ELAPOR2: variants seen among roughly 807,000 people sequenced by gnomAD.
ELAPOR2 encodes the protein endosome/lysosome-associated apoptosis and autophagy regulator family member 2.
Under a neutral mutation model 120.7 loss-of-function variants are expected in ELAPOR2, and 89 were observed. The ratio of observed to expected loss-of-function variants is 0.74; its 90% CI spans 0.62 to 0.88. The LOEUF (loss-of-function observed/expected upper bound fraction) is 0.88. Ranked by LOEUF, ELAPOR2 falls within the 40% of genes least tolerant of loss-of-function variation. ELAPOR2 has a pLI of 0.00. For missense variants in ELAPOR2, 1,134 were observed against 1,251.6 expected (o/e 0.91, Z 1.42); for synonymous variants, 444 against 444.9 (o/e 1.00, Z 0.03).
chr7:86,967,860 A>G (rs1008161990), intron 1 of ELAPOR2, among the ~76,000 whole-genome samples: 3 of 152,230 alleles, frequency 2.0e-5, no homozygotes, highest in African/African-American at 7.2e-5. Flanking sequence ...GTTCAGCAGG[A>G]AGCTTTAATT....
intron 1 of ELAPOR2, among the ~76,000 whole-genome samples, chr7:87,012,115 A>C (rs2116669127): frequency 6.6e-6 from 1 of 152,276 alleles, no homozygotes; most frequent in East Asian, 1.9e-4. Flanking sequence ...GCCACATTTA[A>C]AGTGGTCAAT....
chr7:87,041,341 A>T (rs1794778972), intron 1 of ELAPOR2, among the ~76,000 whole-genome samples: 1 of 152,126 alleles, frequency 6.6e-6, no homozygotes, highest in African/African-American at 2.4e-5. Context: ...ATGAAGGAAA[A>T]AATGTTAAGG....
At chr7:86,938,982 A>T in intron 6 of ELAPOR2, 22 bp from the exon 7 acceptor site, 1 of 1,612,208 alleles carries the variant, frequency 6.2e-7, no homozygotes, top group Non-Finnish European at 8.5e-7. Context: ...TGAAAAACAG[A>T]GCATGGGAGG....
Position 87,059,357 on chromosome 7 carries a change from A to G in ELAPOR2, c.157T>C (p.Ser53Pro), listed in dbSNP as rs1371613532. 36 of 1,247,448 alleles carry G rather than the reference A, an allele frequency of 2.9e-5. No individual in the cohort carries two copies. In the East Asian group the frequency reaches 1.1e-3, roughly 39 times the overall value. The allele number at this position is 1,247,448 out of a possible 1,614,324, so 77.3% of individuals were successfully genotyped here. ...CAAGGAGGAAGCGGGCGGCTGGAGG[A>G]GGAGGGCAGGTCCCCAGCCCAGGCC... ...QAAWAGDLPS[S>P]SSRPLPPCQE... The change falls in exon 1 of 22, where the codon TCC (serine) becomes CCC (proline). Residue 53 changes from serine to proline, a missense_variant. Ser to Pro is a moderately conservative substitution (Grantham distance 74, BLOSUM62 -1). This residue lies in a region of ELAPOR2 where 280 missense variants were observed against 331.5 expected (regional missense o/e 0.84). Transcript: ENST00000450689.
intron 1 of ELAPOR2, among the ~76,000 whole-genome samples, chr7:87,029,848 C>A (rs908682503): frequency 6.6e-6 from 1 of 151,916 alleles, no homozygotes; most frequent in Non-Finnish European, 1.5e-5. Flanking sequence ...AGAAGAGTAG[C>A]TAAAGAAATA....
At chr7:87,014,714 C>T (rs11981886) in intron 1 of ELAPOR2, among the ~76,000 whole-genome samples, 2,619 of 152,026 alleles carry the variant, frequency 0.017, 78 homozygotes, top group African/African-American at 0.059. Context: ...AAGAAATTTG[C>T]AAAATTTTTC....
intron 1 of ELAPOR2, among the ~76,000 whole-genome samples, chr7:87,013,478 G>A (rs1157886166): frequency 6.6e-6 from 1 of 152,126 alleles, no homozygotes; most frequent in Non-Finnish European, 1.5e-5. Flanking sequence ...GGTAACATGA[G>A]ACAGCAGATT....
chr7:86,980,083 T>C (rs896268888), intron 1 of ELAPOR2, among the ~76,000 whole-genome samples: 3 of 152,200 alleles, frequency 2.0e-5, no homozygotes, highest in Admixed American at 6.5e-5. Flanking sequence ...GAAGAAATTA[T>C]ACAAAATTAA....
At position 86,919,404 on chromosome 7, in the gene ELAPOR2, G is replaced by T. The variant is rs1043485581; in HGVS notation, c.1400-94C>A. ...AAGGTAAAAATAAAAAGAAGCATTA[G>T]TGTTTCTGTTCAAAGTTAGAAATGC... On this transcript the variant is annotated intron_variant, in intron 10 of 21. Transcript: ENST00000450689. The T allele has an allele frequency of 7.1e-6, 5 of 708,482 alleles. No homozygotes were observed. The East Asian group carries it at 1.5e-4, about 21-fold the overall frequency. 43.9% of individuals were successfully genotyped at this position (708,482 alleles called of 1,614,324 possible).
Position 86,880,335 on chromosome 7 carries a change from T to A in ELAPOR2, c.*136A>T. On this transcript the variant is annotated 3_prime_UTR_variant, in exon 22 of 22. Coordinates refer to ENST00000450689, the MANE Select transcript of ELAPOR2 (RefSeq NM_001142749.3). ...AAGGCAATCAAATGTTTCAATCTCC[T>A]TCCCTTTTCAGCGGCATGGCCCTCC... The A allele has an allele frequency of 1.4e-6, 1 of 707,130 alleles. No individual in the cohort carries two copies. The highest frequency in any genetic ancestry group is 1.6e-5 in the South Asian group (1 of 61,226). The allele number at this position is 707,130 out of a possible 1,614,324, so 43.8% of individuals were successfully genotyped here.
intron 18 of ELAPOR2, among the ~76,000 whole-genome samples, chr7:86,904,650 G>C (rs1422073672): frequency 6.6e-6 from 1 of 152,190 alleles, no homozygotes; most frequent in Non-Finnish European, 1.5e-5. Context: ...CAGATGAGAA[G>C]GCAGCCCAGA....
At chr7:86,950,206 T>C (rs1006033186) in intron 2 of ELAPOR2, among the ~76,000 whole-genome samples, 1 of 152,244 alleles carries the variant, frequency 6.6e-6, no homozygotes, top group Non-Finnish European at 1.5e-5. Context: ...TAAGCTATTC[T>C]GTAGCTCAAT....
rs762596202 is a variant in ELAPOR2 at position 86,901,550 on chromosome 7, C to T, written c.2559-3918G>A. ...CACAGTTTATAATTCAGTATAAATACGTTTTGCCAAAATAGAAAATACAAA... is the reference window on the plus strand; with the variant it reads ...CACAGTTTATAATTCAGTATAAATATGTTTTGCCAAAATAGAAAATACAAA... On this transcript the variant is annotated intron_variant, in intron 18 of 21. Coordinates refer to ENST00000450689, the MANE Select transcript of ELAPOR2 (RefSeq NM_001142749.3). 8.5e-5 allele frequency among the ~76,000 whole-genome samples: 13 copies of T among 152,210 alleles called. No individual in the cohort carries two copies. In the East Asian group the frequency reaches 1.2e-3, roughly 14 times the overall value.
chr7:86,981,111 T>G (rs1792461384), intron 1 of ELAPOR2, among the ~76,000 whole-genome samples: 1 of 152,080 alleles, frequency 6.6e-6, no homozygotes. Context: ...TTTCCTCCAC[T>G]TGCAGAAGAG....
chr7:86,892,870 A>C, intron 20 of ELAPOR2, 52 bp downstream of exon 20: 1 of 1,389,736 alleles, frequency 7.2e-7, no homozygotes, highest in Non-Finnish European at 9.4e-7. Context: ...TAGAATTTTC[A>C]CAACAAAATA....
rs1799292332 is a variant in ELAPOR2 at position 86,879,358 on chromosome 7, C to T, written c.*1113G>A. ...AAGAACAATAATTCTTTCATAACTG[C>T]TTATGAAATAACCACATTCTTATTA... On this transcript the variant is annotated 3_prime_UTR_variant, in exon 22 of 22. Coordinates refer to ENST00000450689, the MANE Select transcript of ELAPOR2 (RefSeq NM_001142749.3). 2 of 152,130 alleles carry T rather than the reference C, an allele frequency of 1.3e-5. No homozygotes were observed. Among genetic ancestry groups the T allele is most frequent in the African/African-American group, 4.8e-5 (2 of 41,434 alleles). 9.4% of individuals were successfully genotyped at this position (152,130 alleles called of 1,614,324 possible). A position where few individuals can be genotyped will look rare whatever the true frequency, so the allele number is the denominator to read the frequency against.
chr7:86,957,170 C>T (rs76865642), intron 2 of ELAPOR2, among the ~76,000 whole-genome samples: 1 of 152,332 alleles, frequency 6.6e-6, no homozygotes, highest in Non-Finnish European at 1.5e-5. Flanking sequence ...TCAGCTATCA[C>T]TTGTGTGTTA....
At chr7:86,902,822 T>A (rs1250934601) in intron 18 of ELAPOR2, among the ~76,000 whole-genome samples, 1 of 152,128 alleles carries the variant, frequency 6.6e-6, no homozygotes, top group East Asian at 1.9e-4. Context: ...TGGCTGAGTC[T>A]TTTTCCTTTT....
At chr7:86,890,717 AT>A (rs1196036614) in intron 21 of ELAPOR2, among the ~76,000 whole-genome samples, 2 of 151,932 alleles carry the variant, frequency 1.3e-5, no homozygotes, top group Non-Finnish European at 2.9e-5. Context: ...AATAATCACT[AT>A]TTTTTTGTTA....
Sources: allele counts gnomAD v4.1 joint callset (sites outside exome capture counted in the v4.1 genomes callset), GRCh38; gene constraint gnomAD v4.1.1; regional missense constraint gnomAD v4.1.1; transcripts MANE v1.5; gene names NCBI Gene and HGNC (gene_info 2026-07-23, HGNC 2026-07-21).